Variants in LRIG3 observed in about 807,000 individuals in gnomAD.
LRIG3 encodes leucine rich repeats and immunoglobulin like domains 3.
A neutral mutation model predicts 114.5 loss-of-function variants in LRIG3; 76 were observed. That is an observed-to-expected ratio of 0.66 (90% confidence interval 0.55 to 0.80). The LOEUF (loss-of-function observed/expected upper bound fraction) is 0.80, where lower values mean the gene tolerates loss of function less well. Among genes scored for constraint, LRIG3 ranks in the 30% least tolerant of loss-of-function variants. The pLI is 0.00. For missense variants in LRIG3, 1,239 were observed against 1,382.8 expected (o/e 0.90, Z 1.65); for synonymous variants, 512 against 519.8 (o/e 0.98, Z 0.20).
At chr12:58,895,506 T>A (rs544828736) in intron 3 of LRIG3, among the ~76,000 whole-genome samples, 1 of 152,104 alleles carries the variant, frequency 6.6e-6, no homozygotes, top group East Asian at 1.9e-4. Context: ...GAACACCTGA[T>A]GGCTAAGTAC....
In LRIG3 at chr12:58,872,256, A is replaced by C. The variant is rs1264895969; in HGVS notation, c.*316T>G. ...AGGTATTATTTAAAATGCTTTAGTA[A>C]CTCATTTTCCATAAAAAGAAATCTG... is the stretch of plus-strand genomic sequence containing the variant. On this transcript the variant is annotated 3_prime_UTR_variant, in exon 19 of 19. Coordinates refer to ENST00000320743, the MANE Select transcript of LRIG3 (RefSeq NM_153377.5). The C allele has an allele frequency of 5.9e-6, 1 of 170,030 alleles. No homozygotes were observed. Among genetic ancestry groups the C allele is most frequent in the Non-Finnish European group, 1.2e-5 (1 of 80,168 alleles). The allele number at this position is 170,030 out of a possible 1,614,324, so 10.5% of individuals were successfully genotyped here. A position where few individuals can be genotyped will look rare whatever the true frequency, so the allele number is the denominator to read the frequency against.
chr12:58,915,127 CTCATT>C (rs1219168274), intron 1 of LRIG3, among the ~76,000 whole-genome samples: 4 of 152,156 alleles, frequency 2.6e-5, no homozygotes, highest in African/African-American at 4.8e-5. Context: ...AGAAAGTCAT[CTCATT>C]TAAGATTCAA....
intron 3 of LRIG3, among the ~76,000 whole-genome samples, chr12:58,899,259 T>C (rs539463682): frequency 4.6e-5 from 7 of 152,364 alleles, no homozygotes; most frequent in African/African-American, 1.7e-4. Context: ...AGTAGGTCCT[T>C]TCAATCTAGA....
chr12:58,890,036 T>C lies in LRIG3; in HGVS notation c.619A>G (p.Ile207Val), dbSNP rs1488514398. The part of the protein sequence containing the change: ...LKLNRNRISA[I>V]PPKMFKLPQL... ...GGCAGTTTAAACATCTTGGGTGGGA[T>C]AGCTGAGATTCGGTTCCTGTTCAGC... The change falls in exon 5 of 19, where the codon ATC becomes GTC. Residue 207 changes from isoleucine to valine, a missense_variant. Ile to Val is a conservative substitution (Grantham distance 29, BLOSUM62 3). Coordinates refer to ENST00000320743, the MANE Select transcript of LRIG3 (RefSeq NM_153377.5). 6 of 1,613,910 alleles carry C rather than the reference T, an allele frequency of 3.7e-6. No individual in the cohort carries two copies. The highest frequency in any genetic ancestry group is 1.1e-5 in the South Asian group (1 of 91,030).
chr12:58,909,610 G>A lies in LRIG3; in HGVS notation c.383+4372C>T, dbSNP rs553625299. Among the ~76,000 whole-genome samples, 11 of 152,280 alleles carry A rather than the reference G, an allele frequency of 7.2e-5. 1 individual carries two copies. The South Asian group carries it at 1.2e-3, about 17-fold the overall frequency. On this transcript the variant is annotated intron_variant, in intron 3 of 18. Coordinates refer to ENST00000320743, the MANE Select transcript of LRIG3 (RefSeq NM_153377.5). ...CCTTATCACAGCTCACATTCACTGA[G>A]CACTCAGTACATGCAAGACAGCTTT... is the stretch of plus-strand genomic sequence containing the variant.
At chr12:58,872,970 C>T (rs1266365491) in intron 18 of LRIG3, among the ~76,000 whole-genome samples, 154 bp from the exon 19 acceptor site, 1 of 152,226 alleles carries the variant, frequency 6.6e-6, no homozygotes. Flanking sequence ...GTACATCTGT[C>T]TTACAGCCAG....
Position 58,888,373 on chromosome 12 carries a change from C to T in LRIG3, c.903G>A (p.Arg301=), listed in dbSNP as rs373265526. ...ELHLSQNAIN[R]ISPDAWEFCQ... ...AGAACTCCCAGGCATCAGGGCTGAT[C>T]CTGTTGATGGCATTTTGGCTGAGAT... The change falls in exon 7 of 19, where the codon AGG becomes AGA. Residue 301 remains arginine (R), a synonymous_variant. Transcript: ENST00000320743. The T allele has an allele frequency of 3.1e-6, 5 of 1,613,738 alleles. No individual in the cohort carries two copies. In the African/African-American group the frequency reaches 5.3e-5, roughly 17 times the overall value.
intron 3 of LRIG3, among the ~76,000 whole-genome samples, chr12:58,913,056 C>T (rs921589864): frequency 1.3e-5 from 2 of 152,086 alleles, no homozygotes; most frequent in African/African-American, 2.4e-5. Context: ...TAAAAACAAA[C>T]CTCTATAAAT....
At chr12:58,895,551 C>A (rs914667801) in intron 3 of LRIG3, among the ~76,000 whole-genome samples, 1 of 152,148 alleles carries the variant, frequency 6.6e-6, no homozygotes, top group African/African-American at 2.4e-5. Flanking sequence ...AAAGAAGAGG[C>A]TCAAGAGTGA....
At chr12:58,880,308 A>G (rs1185562334) in intron 13 of LRIG3, 5 of 547,134 alleles carry the variant, frequency 9.1e-6, no homozygotes, top group East Asian at 3.9e-5. Flanking sequence ...TCAAAAAAAA[A>G]AAAAAGAAAA....
rs773437574 is a variant in LRIG3 at position 58,874,283 on chromosome 12, T to C, written c.2887A>G (p.Ser963Gly). The C allele has an allele frequency of 7.4e-6, 12 of 1,613,898 alleles. No homozygotes were observed. Among genetic ancestry groups the C allele is most frequent in the Admixed American group, 3.3e-5 (2 of 59,980 alleles). The change falls in exon 18 of 19, where the codon AGT becomes GGT. Residue 963 changes from serine to glycine, a missense_variant. Ser to Gly is a moderately conservative substitution (Grantham distance 56). Transcript: ENST00000320743. ...RTVLMDHYEP[S>G]YIKKKECYPC... ...TAGCACTCCTTTTTCTTTATGTAAC[T>C]GGGCTCATAGTGGTCCATTAAAACT... is the stretch of plus-strand genomic sequence containing the variant.
chr12:58,887,759 C>T (rs1032479502), intron 8 of LRIG3, 30 bp downstream of exon 8: 18 of 1,606,952 alleles, frequency 1.1e-5, no homozygotes, highest in Non-Finnish European at 1.5e-5. Flanking sequence ...CAATTACGTT[C>T]GAGTACTGAC....
intron 3 of LRIG3, among the ~76,000 whole-genome samples, chr12:58,893,240 C>T (rs545919175): frequency 6.6e-6 from 1 of 152,270 alleles, no homozygotes; most frequent in South Asian, 2.1e-4. Flanking sequence ...GAAAGCTTCT[C>T]GAAATAGTGT....
chr12:58,908,785 A>C (rs1872165239), intron 3 of LRIG3, among the ~76,000 whole-genome samples: 1 of 152,226 alleles, frequency 6.6e-6, no homozygotes, highest in Non-Finnish European at 1.5e-5. Flanking sequence ...TATTCCATGA[A>C]TATTCTTTAA....
chr12:58,888,339 G>A lies in LRIG3; in HGVS notation c.937C>T (p.Leu313Phe). ...TAAAAGGCAACTCACAGCTCACTGA[G>A]CTTCTGGCAGAACTCCCAGGCATCA... ...SPDAWEFCQK[L>F]SELDLTFNHL... The change falls in exon 7 of 19, where the codon CTC becomes TTC. Residue 313 changes from leucine (L) to phenylalanine (F), a missense_variant. Physicochemically the swap from Leu to Phe is conservative, Grantham distance 22. Coordinates refer to ENST00000320743, the MANE Select transcript of LRIG3 (RefSeq NM_153377.5). The A allele has an allele frequency of 6.2e-7, 1 of 1,613,208 alleles. No homozygotes were observed. The highest frequency in any genetic ancestry group is 8.5e-7 in the Non-Finnish European group (1 of 1,179,314).
chr12:58,873,155 G>A (rs1047115302), intron 18 of LRIG3, among the ~76,000 whole-genome samples: 8 of 152,090 alleles, frequency 5.3e-5, no homozygotes, highest in African/African-American at 1.9e-4. Context: ...TTTTGGTGAC[G>A]GGTGTGTTGG....
intron 3 of LRIG3, among the ~76,000 whole-genome samples, chr12:58,896,230 G>T (rs181852878): frequency 1.3e-5 from 2 of 152,200 alleles, no homozygotes; most frequent in Non-Finnish European, 2.9e-5. Flanking sequence ...ATTAACAACA[G>T]TAAAATATAA....
chr12:58,897,583 CACA>C lies in LRIG3; in HGVS notation c.384-6790_384-6788del, dbSNP rs996463908. 3.3e-5 allele frequency among the ~76,000 whole-genome samples: 5 copies of C among 152,164 alleles called. No homozygotes were observed. In the South Asian group the frequency reaches 6.2e-4, roughly 19 times the overall value. ...AACATTGCAAGACCCTGTCTCTTAA[CACA>C]ACAACAACAAAAAATCAATAAAAGA... is the stretch of plus-strand genomic sequence containing the variant. On this transcript the variant is annotated intron_variant, in intron 3 of 18. Transcript: ENST00000320743.
chr12:58,876,135 A>G (rs1282888715), intron 16 of LRIG3, among the ~76,000 whole-genome samples: 1 of 152,250 alleles, frequency 6.6e-6, no homozygotes, highest in African/African-American at 2.4e-5. Context: ...CATTCATGTA[A>G]CCAGTTAATA....
Sources: allele counts gnomAD v4.1 joint callset (sites outside exome capture counted in the v4.1 genomes callset), GRCh38; gene constraint gnomAD v4.1.1; transcripts MANE v1.5; gene names NCBI Gene and HGNC (gene_info 2026-07-23, HGNC 2026-07-21).